The following CAPN8 variants were observed in gnomAD, a reference collection of about 807,000 sequenced individuals.
CAPN8 encodes calpain 8, also known as calpain-8.
In CAPN8, 87 loss-of-function variants were observed where a neutral mutation model predicts 80.9. The ratio of observed to expected loss-of-function variants is 1.07; its 90% confidence interval spans 0.90 to 1.28. The LOEUF is 1.28. Among genes scored for constraint, CAPN8 ranks in the 50% most tolerant of loss-of-function variants. The probability of loss-of-function intolerance (pLI) is 0.00; values close to 1 mark genes in which losing one functional copy is unlikely to be tolerated. For synonymous variants in CAPN8, 299 were observed against 273.8 expected (o/e 1.09, Z -0.91); for missense variants, 757 against 702.0 (o/e 1.08, Z -0.89).
chr1:223,654,426 A>G, intron 1 of CAPN8, 27 bp from the exon 2 acceptor site: 1 of 1,548,698 alleles, frequency 6.5e-7, no homozygotes. Flanking sequence ...ACAAAACACA[A>G]GTCACAAGGT....
chr1:223,545,345 C>T, intron 16 of CAPN8, 46 bp from the exon 17 acceptor site: 1 of 1,551,122 alleles, frequency 6.4e-7, no homozygotes, highest in Non-Finnish European at 8.7e-7. Context: ...ATTCTACATG[C>T]CTTATAGATT....
chr1:223,627,820 A>T (rs1192600966), intron 4 of CAPN8, among the ~76,000 whole-genome samples, 189 bp downstream of exon 4: 1 of 152,022 alleles, frequency 6.6e-6, no homozygotes, highest in African/African-American at 2.4e-5. Flanking sequence ...GAGATGCTAA[A>T]CTCCCCGCCC....
intron 2 of CAPN8, among the ~76,000 whole-genome samples, chr1:223,647,446 G>A (rs1159902286): frequency 6.6e-6 from 1 of 152,182 alleles, no homozygotes; most frequent in African/African-American, 2.4e-5. Context: ...CATGTAAAAT[G>A]TAGATTCACT....
chr1:223,545,526 G>A (rs893470645), intron 16 of CAPN8, among the ~76,000 whole-genome samples: 3 of 152,110 alleles, frequency 2.0e-5, no homozygotes, highest in African/African-American at 7.2e-5. Flanking sequence ...AGGAACAAAG[G>A]GCAAGTCATG....
rs1229789032 is a variant in CAPN8 at position 223,642,826 on chromosome 1, T to C, written c.307+11504A>G. ...AGCCCACCAGGCCAATTCTCATCCA[T>C]CTCGTTTCTGTGATTGTGGAAGGAA... On this transcript the variant is annotated intron_variant, in intron 2 of 20. Transcript: ENST00000366872. 6.6e-6 allele frequency: 3 copies of C among 456,228 alleles called. No homozygotes were observed. The Admixed American group carries it at 7.0e-5, about 11-fold the overall frequency. 28.3% of individuals were successfully genotyped at this position (456,228 alleles called of 1,614,324 possible).
At chr1:223,651,220 C>T (rs945851682) in intron 2 of CAPN8, among the ~76,000 whole-genome samples, 1 of 152,094 alleles carries the variant, frequency 6.6e-6, no homozygotes, top group African/African-American at 2.4e-5. Flanking sequence ...GAAGAACTCT[C>T]TTTCTCAGTG....
chr1:223,617,330 T>TTTTA (rs1657225471), intron 9 of CAPN8: 3 of 146,890 alleles, frequency 2.0e-5, no homozygotes, highest in Non-Finnish European at 3.0e-5. Flanking sequence ...TGTTGCTGTG[T>TTTTA]TTTGTTTGTT....
chr1:223,651,410 A>T (rs1415964070), intron 2 of CAPN8, among the ~76,000 whole-genome samples: 1 of 152,216 alleles, frequency 6.6e-6, no homozygotes, highest in African/African-American at 2.4e-5. Context: ...GATCCTTGGC[A>T]TTCAGCTTCC....
intron 2 of CAPN8, among the ~76,000 whole-genome samples, chr1:223,638,686 T>C (rs1225983736): frequency 6.6e-6 from 1 of 152,160 alleles, no homozygotes; most frequent in Non-Finnish European, 1.5e-5. Flanking sequence ...CTGTGGTCCC[T>C]ACTCTCCCTC....
intron 1 of CAPN8, among the ~76,000 whole-genome samples, chr1:223,656,829 G>A (rs1214837550): frequency 5.9e-5 from 9 of 151,720 alleles, no homozygotes; most frequent in South Asian, 4.2e-4. Context: ...GACTACAGGC[G>A]CCCACCACCA....
rs958970093 is a variant in CAPN8 at position 223,625,803 on chromosome 1, A to G, written c.813+2T>C. The G allele has an allele frequency of 4.5e-6, 7 of 1,548,726 alleles. No individual in the cohort carries two copies. The highest frequency in any genetic ancestry group is 1.4e-5 in the African/African-American group (1 of 72,900). On this transcript the variant is annotated splice_donor_variant, in intron 6 of 20. Transcript: ENST00000366872. LOFTEE classifies it high-confidence loss of function. ...CCTTCCCCACCTTCCACACAATTTT[A>G]CCTCTTCGACTCCAGTGACAGAGTA...
At chr1:223,665,341 A>G in intron 1 of CAPN8, 69 bp downstream of exon 1, 1 of 1,272,970 alleles carries the variant, frequency 7.9e-7, no homozygotes, top group South Asian at 1.4e-5. Flanking sequence ...CTTCTCCCTC[A>G]GTTCCTCCTG....
intron 13 of CAPN8, among the ~76,000 whole-genome samples, chr1:223,555,836 T>C (rs889907790): frequency 3.5e-4 from 53 of 152,302 alleles, no homozygotes; most frequent in Middle Eastern, 3.4e-3. Flanking sequence ...ACTTCACAAT[T>C]TGTCCATTCA....
chr1:223,657,359 A>G (rs1407825387), intron 1 of CAPN8, among the ~76,000 whole-genome samples: 1 of 152,124 alleles, frequency 6.6e-6, no homozygotes, highest in African/African-American at 2.4e-5. Context: ...AAAAAATTTT[A>G]ATTTAAATGT....
chr1:223,641,295 A>G (rs1658033334), intron 2 of CAPN8, among the ~76,000 whole-genome samples: 2 of 152,156 alleles, frequency 1.3e-5, no homozygotes, highest in Admixed American at 1.3e-4. Context: ...ATGAAATACA[A>G]AGTCACATGA....
At chr1:223,654,668 T>C (rs1658430577) in intron 1 of CAPN8, among the ~76,000 whole-genome samples, 1 of 151,334 alleles carries the variant, frequency 6.6e-6, no homozygotes, top group Non-Finnish European at 1.5e-5. Flanking sequence ...TTATTTTTTA[T>C]TTATTTTATT....
At chr1:223,649,314 T>A (rs1453340343) in intron 2 of CAPN8, among the ~76,000 whole-genome samples, 3 of 152,218 alleles carry the variant, frequency 2.0e-5, no homozygotes. Flanking sequence ...TGGATGGAGC[T>A]TGCATGGCAG....
intron 15 of CAPN8, chr1:223,549,678 C>A: frequency 1.9e-6 from 1 of 515,948 alleles, no homozygotes; most frequent in Admixed American, 3.1e-5. Flanking sequence ...TTAATTTCCT[C>A]CTCCATCAAA....
At chr1:223,618,137 A>C in intron 9 of CAPN8, 1 of 1,305,772 alleles carries the variant, frequency 7.7e-7, no homozygotes, top group Non-Finnish European at 1.1e-6. Context: ...GATCAACAGC[A>C]AACCAGGCAG....
Sources: gnomAD v4.1 joint callset for allele counts (sites outside exome capture counted in the v4.1 genomes callset) on GRCh38, gnomAD v4.1.1 for gene constraint, MANE v1.5 for transcripts, NCBI Gene and HGNC (gene_info 2026-07-23, HGNC 2026-07-21) for gene names.